PAMR1: variants seen among roughly 807,000 people sequenced by gnomAD.
The protein encoded by PAMR1 is peptidase domain containing associated with muscle regeneration 1, also known as inactive serine protease PAMR1.
In PAMR1, 88 loss-of-function variants were observed where a neutral mutation model predicts 81.8. The observed-to-expected ratio is 1.08, with a 90% confidence interval of 0.91 to 1.28. PAMR1 has a LOEUF of 1.28. PAMR1 is among the 50% of genes most tolerant of loss of function. PAMR1 has a pLI of 0.00. For missense variants in PAMR1, 935 were observed against 919.7 expected (o/e 1.02, Z -0.21); for synonymous variants, 336 against 345.3 (o/e 0.97, Z 0.30).
At chr11:35,510,095 T>C (rs601624) in intron 1 of PAMR1, among the ~76,000 whole-genome samples, 5,035 of 152,266 alleles carry the variant, frequency 0.033, 290 homozygotes, top group African/African-American at 0.11. Context: ...AGCTCTTCCA[T>C]TGGATAAAAT....
At chr11:35,441,144 G>T (rs574659018) in intron 7 of PAMR1, among the ~76,000 whole-genome samples, 1 of 152,184 alleles carries the variant, frequency 6.6e-6, no homozygotes, top group East Asian at 1.9e-4. Context: ...TAGATAAGTG[G>T]AGCTATGTAC....
At chr11:35,451,486 T>C (rs138520636) in intron 6 of PAMR1, among the ~76,000 whole-genome samples, 1 of 152,362 alleles carries the variant, frequency 6.6e-6, no homozygotes, top group East Asian at 1.9e-4. Flanking sequence ...TCATGTAGTA[T>C]TTCCTTCCTC....
chr11:35,462,288 G>A (rs1432434484), intron 6 of PAMR1, among the ~76,000 whole-genome samples: 1 of 152,194 alleles, frequency 6.6e-6, no homozygotes, highest in African/African-American at 2.4e-5. Flanking sequence ...TCCCAAGGCT[G>A]TCCAGGTTAC....
At chr11:35,484,008 C>A (rs1481948759) in intron 3 of PAMR1, among the ~76,000 whole-genome samples, 1 of 152,166 alleles carries the variant, frequency 6.6e-6, no homozygotes, top group Non-Finnish European at 1.5e-5. Flanking sequence ...ATATTGATTT[C>A]TTCCCCTGCC....
intron 3 of PAMR1, among the ~76,000 whole-genome samples, chr11:35,485,244 G>C (rs1029692489): frequency 6.6e-5 from 10 of 152,018 alleles, no homozygotes; most frequent in African/African-American, 2.2e-4. Context: ...ATAACACTAT[G>C]AAACAGAAAA....
At chr11:35,516,390 A>G (rs1851163500) in intron 1 of PAMR1, among the ~76,000 whole-genome samples, 1 of 152,240 alleles carries the variant, frequency 6.6e-6, no homozygotes, top group Admixed American at 6.5e-5. Context: ...AATCTGTATC[A>G]AAGATGAATT....
At chr11:35,436,656 T>TCTCA (rs1555030665) in intron 8 of PAMR1, among the ~76,000 whole-genome samples, 1 of 144,836 alleles carries the variant, frequency 6.9e-6, no homozygotes, top group Admixed American at 6.9e-5. Context: ...TCTCTCTCTG[T>TCTCA]CACACACACA....
At chr11:35,434,832 A>T in intron 9 of PAMR1, 28 bp from the exon 10 acceptor site, 1 of 1,599,936 alleles carries the variant, frequency 6.3e-7, no homozygotes, top group East Asian at 2.2e-5. Flanking sequence ...GCTTAGTAAG[A>T]TAAACTCAGA....
intron 3 of PAMR1, among the ~76,000 whole-genome samples, chr11:35,486,247 G>A (rs773967862): frequency 2.0e-5 from 3 of 152,170 alleles, no homozygotes; most frequent in Non-Finnish European, 4.4e-5. Context: ...GTGGAATGAG[G>A]CTCTCAGAAC....
chr11:35,433,131 G>A (rs1477114680), intron 10 of PAMR1, among the ~76,000 whole-genome samples: 1 of 152,206 alleles, frequency 6.6e-6, no homozygotes, highest in Non-Finnish European at 1.5e-5. Context: ...AGTTGAGGCT[G>A]CATGCCCATC....
At chr11:35,452,095 A>C (rs552210527) in intron 6 of PAMR1, among the ~76,000 whole-genome samples, 1 of 152,362 alleles carries the variant, frequency 6.6e-6, no homozygotes, top group South Asian at 2.1e-4. Context: ...TTGTTATCTA[A>C]CACTACTCAA....
chr11:35,448,924 C>G (rs1856354042), intron 6 of PAMR1, among the ~76,000 whole-genome samples: 1 of 152,182 alleles, frequency 6.6e-6, no homozygotes, highest in African/African-American at 2.4e-5. Context: ...GAGGTCCACT[C>G]CAGACTCTAT....
chr11:35,487,134 T>A (rs1035195522), intron 3 of PAMR1, among the ~76,000 whole-genome samples: 2 of 151,734 alleles, frequency 1.3e-5, no homozygotes, highest in Non-Finnish European at 2.9e-5. Context: ...GTCAGCCCAG[T>A]TGAAATCAGT....
chr11:35,496,010 A>T (rs1218236344), intron 1 of PAMR1, among the ~76,000 whole-genome samples: 1 of 152,234 alleles, frequency 6.6e-6, no homozygotes, highest in Non-Finnish European at 1.5e-5. Context: ...CATAATCGCC[A>T]CTGAGATTTC....
intron 3 of PAMR1, among the ~76,000 whole-genome samples, chr11:35,488,321 C>T (rs761951674): frequency 1.0e-4 from 15 of 150,270 alleles, no homozygotes; most frequent in Non-Finnish European, 2.1e-4. Flanking sequence ...GCTGCAGAAG[C>T]GATTCTCCCT....
intron 1 of PAMR1, among the ~76,000 whole-genome samples, chr11:35,505,114 T>A (rs2676477): frequency 0.31 from 47,525 of 151,946 alleles, 7,515 homozygotes; most frequent in African/African-American, 0.37. Flanking sequence ...TTGACCCATT[T>A]GTCATTCATA....
chr11:35,497,750 A>G (rs1051971187), intron 1 of PAMR1, among the ~76,000 whole-genome samples: 12 of 152,202 alleles, frequency 7.9e-5, no homozygotes, highest in African/African-American at 2.7e-4. Flanking sequence ...ATCAACTATA[A>G]CATGTCACTG....
intron 6 of PAMR1, 23 bp from the exon 7 acceptor site, chr11:35,441,716 G>T: frequency 6.6e-7 from 1 of 1,522,330 alleles, no homozygotes; most frequent in Non-Finnish European, 9.0e-7. Context: ...AAAAGAAAAG[G>T]AGAATTGTTA....
intron 3 of PAMR1, among the ~76,000 whole-genome samples, chr11:35,481,724 T>C (rs1026752501): frequency 4.6e-5 from 7 of 152,132 alleles, no homozygotes; most frequent in African/African-American, 1.7e-4. Context: ...GGTTTCACCA[T>C]GTTGGCCAGG....
Sources: gnomAD v4.1 joint callset for allele counts (sites outside exome capture counted in the v4.1 genomes callset) on GRCh38, gnomAD v4.1.1 for gene constraint, MANE v1.5 for transcripts, NCBI Gene and HGNC (gene_info 2026-07-23, HGNC 2026-07-21) for gene names.